The following DLC1 variants were observed in gnomAD, a reference collection of about 807,000 sequenced individuals.
DLC1 encodes the protein rho GTPase-activating protein 7.
Under a neutral mutation model 140.3 loss-of-function variants are expected in DLC1, and 54 were observed. That is an observed-to-expected ratio of 0.38 (90% CI 0.31 to 0.48). DLC1 has a LOEUF of 0.48. DLC1 is among the 20% of genes least tolerant of loss of function. The pLI is 0.96. For missense variants in DLC1, 2,536 were observed against 1,907.0 expected (o/e 1.33, Z -6.14); for synonymous variants, 986 against 728.1 (o/e 1.35, Z -5.70).
At chr8:13,155,462 A>C (rs1006409742) in intron 5 of DLC1, among the ~76,000 whole-genome samples, 3 of 152,134 alleles carry the variant, frequency 2.0e-5, no homozygotes, top group African/African-American at 7.2e-5. Flanking sequence ...TTTTAGGCTA[A>C]AACAATAATT....
At chr8:13,276,401 C>A (rs764725586) in intron 5 of DLC1, 1 of 1,483,470 alleles carries the variant, frequency 6.7e-7, no homozygotes, top group South Asian at 1.3e-5. Context: ...GGTCCCCCAT[C>A]CGCTCGCAGA....
intron 5 of DLC1, among the ~76,000 whole-genome samples, chr8:13,187,152 C>T (rs1402332839): frequency 6.6e-6 from 1 of 151,644 alleles, no homozygotes; most frequent in Non-Finnish European, 1.5e-5. Context: ...CCCTGCTTTA[C>T]TTTTTTTTCC....
intron 1 of DLC1, among the ~76,000 whole-genome samples, chr8:13,586,194 T>C (rs1805304301): frequency 6.6e-6 from 1 of 152,152 alleles, no homozygotes; most frequent in Non-Finnish European, 1.5e-5. Context: ...GCAGCTGCAT[T>C]TATGATGACT....
Position 13,313,986 on chromosome 8 carries a change from C to T in DLC1, c.1315-8684G>A, listed in dbSNP as rs147685107. Among the ~76,000 whole-genome samples the T allele has an allele frequency of 2.5e-3, 386 of 152,050 alleles. 4 individuals are homozygous for T. The highest frequency in any genetic ancestry group is 6.2e-3 in the Admixed American group (95 of 15,242). ...AGAGGAGCAGACTCCCATTTCTGTACGTCTTGGAGCAGCAGGACCTGAGGG... is the reference window on the plus strand; with the variant it reads ...AGAGGAGCAGACTCCCATTTCTGTATGTCTTGGAGCAGCAGGACCTGAGGG... On this transcript the variant is annotated intron_variant, in intron 4 of 17. Coordinates refer to ENST00000276297, the MANE Select transcript of DLC1 (RefSeq NM_182643.3).
chr8:13,216,253 C>T (rs1005490756), intron 5 of DLC1, among the ~76,000 whole-genome samples: 1 of 152,172 alleles, frequency 6.6e-6, no homozygotes, highest in African/African-American at 2.4e-5. Flanking sequence ...TCATTTGATA[C>T]TCAAAACTTA....
At chr8:13,600,344 G>A (rs975693043) in intron 1 of DLC1, among the ~76,000 whole-genome samples, 1 of 151,818 alleles carries the variant, frequency 6.6e-6, no homozygotes, top group Non-Finnish European at 1.5e-5. Context: ...GGGGAAATAA[G>A]GACCTGAAGT....
intron 5 of DLC1, among the ~76,000 whole-genome samples, chr8:13,235,139 G>A (rs976174861): frequency 2.0e-5 from 3 of 151,968 alleles, no homozygotes; most frequent in African/African-American, 7.2e-5. Context: ...GAATTTGGTT[G>A]CATTTTATAT....
At chr8:13,170,367 T>C (rs933972896) in intron 5 of DLC1, among the ~76,000 whole-genome samples, 2 of 152,230 alleles carry the variant, frequency 1.3e-5, no homozygotes, top group Admixed American at 6.5e-5. Flanking sequence ...AAATTAATAG[T>C]AGTCTTCTGA....
chr8:13,231,477 A>G (rs1311075834), intron 5 of DLC1, among the ~76,000 whole-genome samples: 1 of 152,224 alleles, frequency 6.6e-6, no homozygotes, highest in Non-Finnish European at 1.5e-5. Context: ...CATTTTAAAA[A>G]ATGATTCGAA....
chr8:13,088,399 T>G (rs955836566), intron 16 of DLC1, 88 bp downstream of exon 16: 1 of 1,444,996 alleles, frequency 6.9e-7, no homozygotes, highest in Non-Finnish European at 9.5e-7. Flanking sequence ...TTTAAATAAT[T>G]ATACCATCTT....
intron 5 of DLC1, among the ~76,000 whole-genome samples, chr8:13,257,058 A>G (rs967932190): frequency 2.0e-5 from 3 of 151,974 alleles, no homozygotes; most frequent in Non-Finnish European, 4.4e-5. Flanking sequence ...TCTTGTTTTT[A>G]TTGGAAGATA....
intron 2 of DLC1, among the ~76,000 whole-genome samples, chr8:13,460,045 G>T (rs989821368): frequency 5.3e-5 from 8 of 152,096 alleles, no homozygotes; most frequent in Non-Finnish European, 1.0e-4. Flanking sequence ...ACTTCCCCAA[G>T]TGATTCTGCT....
At chr8:13,143,706 C>A (rs1469706627) in intron 5 of DLC1, among the ~76,000 whole-genome samples, 4 of 151,820 alleles carry the variant, frequency 2.6e-5, no homozygotes, top group Non-Finnish European at 4.4e-5. Flanking sequence ...GCCACCACAC[C>A]CAGCATCAGT....
intron 2 of DLC1, among the ~76,000 whole-genome samples, chr8:13,408,622 C>G (rs914792429): frequency 6.6e-6 from 1 of 152,080 alleles, no homozygotes; most frequent in African/African-American, 2.4e-5. Flanking sequence ...TAATTTCTAC[C>G]TAAATCATTT....
chr8:13,248,790 C>T (rs1443159612), intron 5 of DLC1, among the ~76,000 whole-genome samples: 1 of 152,202 alleles, frequency 6.6e-6, no homozygotes, highest in African/African-American at 2.4e-5. Context: ...TCTCCATTCC[C>T]TGGTATCCTG....
intron 4 of DLC1, among the ~76,000 whole-genome samples, chr8:13,316,055 C>T (rs1274348557): frequency 6.6e-6 from 1 of 152,210 alleles, no homozygotes; most frequent in African/African-American, 2.4e-5. Context: ...ATCTAACCAA[C>T]ACCTCCCTTT....
chr8:13,538,796 T>C (rs985487488), intron 1 of DLC1, among the ~76,000 whole-genome samples: 2 of 152,214 alleles, frequency 1.3e-5, no homozygotes, highest in Admixed American at 1.3e-4. Context: ...AACTCTTCAC[T>C]TACAATAACC....
At chr8:13,183,621 T>C (rs1033413109) in intron 5 of DLC1, among the ~76,000 whole-genome samples, 2 of 152,238 alleles carry the variant, frequency 1.3e-5, no homozygotes, top group African/African-American at 2.4e-5. Flanking sequence ...ATTACGTTTA[T>C]TGATTTGCGT....
At chr8:13,443,005 C>T (rs1798596385) in intron 2 of DLC1, among the ~76,000 whole-genome samples, 2 of 152,034 alleles carry the variant, frequency 1.3e-5, no homozygotes, top group Non-Finnish European at 2.9e-5. Context: ...ACATATACAC[C>T]ATGGAATACT....
Sources: gnomAD v4.1 joint callset for allele counts (sites outside exome capture counted in the v4.1 genomes callset) on GRCh38, gnomAD v4.1.1 for gene constraint, MANE v1.5 for transcripts, NCBI Gene and HGNC (gene_info 2026-07-23, HGNC 2026-07-21) for gene names.